NPSR1: variants seen among roughly 807,000 people sequenced by gnomAD.
The protein encoded by NPSR1 is neuropeptide S receptor 1.
NPSR1 carries 48 observed loss-of-function variants against 46.9 expected under a neutral mutation model. The observed-to-expected ratio is 1.02, with a 90% CI of 0.81 to 1.30. NPSR1 has a LOEUF of 1.30. Ranked by LOEUF, NPSR1 falls within the 50% of genes most tolerant of loss-of-function variation. The probability of loss-of-function intolerance (pLI) is 0.00; values close to 1 mark genes in which losing one functional copy is unlikely to be tolerated. For missense variants in NPSR1, 450 were observed against 449.5 expected, an observed-to-expected ratio of 1.00 and a Z score of -0.01; for synonymous variants, 176 against 168.1, an observed-to-expected ratio of 1.05 and a Z score of -0.36.
At chr7:34,683,312 T>C (rs1386199180) in intron 1 of NPSR1, among the ~76,000 whole-genome samples, 10 of 151,750 alleles carry the variant, frequency 6.6e-5, no homozygotes, top group Admixed American at 6.6e-4. Context: ...CCGGGCGTGG[T>C]GGTGGGTGCC....
At chr7:34,675,575 G>A (rs1166153196) in intron 1 of NPSR1, among the ~76,000 whole-genome samples, 1 of 152,154 alleles carries the variant, frequency 6.6e-6, no homozygotes, top group Non-Finnish European at 1.5e-5. Flanking sequence ...ACCTTCTACG[G>A]GCCAGACAGA....
intron 2 of NPSR1, among the ~76,000 whole-genome samples, chr7:34,700,400 CCAGGCTCTGTGCTA>C (rs1793763817): frequency 6.6e-6 from 1 of 152,164 alleles, no homozygotes; most frequent in Non-Finnish European, 1.5e-5. Flanking sequence ...TTACCATGCA[CCAGGCTCTGTGCTA>C]CATGCTTTCT....
chr7:34,728,239 C>T (rs1026649806), intron 2 of NPSR1, among the ~76,000 whole-genome samples: 1 of 152,052 alleles, frequency 6.6e-6, no homozygotes, highest in Non-Finnish European at 1.5e-5. Flanking sequence ...ACCCCCAAAC[C>T]AAGAGCTGGA....
intron 2 of NPSR1, chr7:34,685,632 T>G (rs1337032451): frequency 1.3e-5 from 5 of 372,410 alleles, no homozygotes; most frequent in Non-Finnish European, 2.6e-5. Context: ...GTAGTGGAGC[T>G]CTTTAGAATT....
At chr7:34,749,678 G>C (rs952257518) in intron 2 of NPSR1, among the ~76,000 whole-genome samples, 6 of 152,176 alleles carry the variant, frequency 3.9e-5, no homozygotes. Flanking sequence ...GAAAGTACAA[G>C]GGAGACAAGT....
At chr7:34,696,559 C>G (rs994998875) in intron 2 of NPSR1, among the ~76,000 whole-genome samples, 3 of 151,940 alleles carry the variant, frequency 2.0e-5, no homozygotes, top group African/African-American at 7.2e-5. Context: ...ACAATTACAA[C>G]TGAAGCTTAC....
At chr7:34,675,785 T>C (rs1053540828) in intron 1 of NPSR1, among the ~76,000 whole-genome samples, 1 of 152,254 alleles carries the variant, frequency 6.6e-6, no homozygotes, top group Non-Finnish European at 1.5e-5. Context: ...TGTCACTGTG[T>C]AGCCTGACTA....
intron 2 of NPSR1, among the ~76,000 whole-genome samples, chr7:34,730,656 T>C (rs1029883837): frequency 5.9e-5 from 9 of 152,226 alleles, no homozygotes; most frequent in African/African-American, 2.2e-4. Flanking sequence ...AGGAGTAATA[T>C]ACAGAAGCCT....
chr7:34,811,742 A>C (rs745447749), intron 3 of NPSR1, 28 bp from the exon 4 acceptor site: 3 of 1,533,188 alleles, frequency 2.0e-6, no homozygotes, highest in Non-Finnish European at 2.7e-6. Flanking sequence ...CTCTGAAGTC[A>C]TAAGCTTCCT....
At chr7:34,835,402 C>T (rs1790318390) in intron 6 of NPSR1, among the ~76,000 whole-genome samples, 1 of 152,204 alleles carries the variant, frequency 6.6e-6, no homozygotes, top group Non-Finnish European at 1.5e-5. Flanking sequence ...ACTTTCTGTT[C>T]CAGATGTACC....
intron 4 of NPSR1, among the ~76,000 whole-genome samples, chr7:34,816,379 T>C (rs1477060717): frequency 3.8e-5 from 1 of 26,094 alleles, no homozygotes; most frequent in Non-Finnish European, 7.8e-5. Context: ...ATCCTAAATA[T>C]ATATGCACCC....
At chr7:34,660,192 A>G (rs905817374) in intron 1 of NPSR1, 10 of 453,932 alleles carry the variant, frequency 2.2e-5, no homozygotes, top group African/African-American at 2.1e-4. Flanking sequence ...TGTTTGCAGC[A>G]AAACGGCTGG....
chr7:34,799,293 A>T (rs1245401247), intron 3 of NPSR1, among the ~76,000 whole-genome samples: 4 of 152,094 alleles, frequency 2.6e-5, no homozygotes, highest in Non-Finnish European at 5.9e-5. Context: ...AAAATTAATA[A>T]TTAAATTTAA....
At position 34,862,886 on chromosome 7, in the gene NPSR1, C is replaced by T. The variant is rs116802975; in HGVS notation, c.1025+14223C>T. 2.0e-3 allele frequency among the ~76,000 whole-genome samples: 298 copies of T among 151,816 alleles called. 18 individuals are homozygous for T. Among genetic ancestry groups the T allele is most frequent in the African/African-American group, 7.1e-3 (292 of 41,136 alleles). ...GTTTGGGTGATAAATTATATGGTCA[C>T]TGTAAATATAGACCATCATATGTTC... On this transcript the variant is annotated intron_variant, in intron 8 of 8. Transcript: ENST00000359791.
At chr7:34,834,863 A>T (rs1029481896) in intron 6 of NPSR1, among the ~76,000 whole-genome samples, 1 of 152,202 alleles carries the variant, frequency 6.6e-6, no homozygotes, top group Non-Finnish European at 1.5e-5. Context: ...GAATTTTCAG[A>T]TACATAAAGC....
At position 34,703,507 on chromosome 7, in the gene NPSR1, TGAAAA is replaced by T. The variant is rs532579374; in HGVS notation, c.280+18829_280+18833del. ...GCCCAGAGCAGTATTCACACATTCATGAAAAGAAAACACATCACTTAGAACATTCG... is the reference window on the plus strand; with the variant it reads ...GCCCAGAGCAGTATTCACACATTCATGAAAACACATCACTTAGAACATTCG... On this transcript the variant is annotated intron_variant, in intron 2 of 8. Transcript: ENST00000360581. Among the ~76,000 whole-genome samples, 19 of 152,266 alleles carry T rather than the reference TGAAAA, an allele frequency of 1.2e-4. No homozygotes were observed. The South Asian group carries it at 2.9e-3, about 23-fold the overall frequency.
intron 2 of NPSR1, among the ~76,000 whole-genome samples, chr7:34,769,602 C>T (rs1786583258): frequency 6.6e-6 from 1 of 152,170 alleles, no homozygotes; most frequent in Non-Finnish European, 1.5e-5. Context: ...ATCTCCATAA[C>T]TTTGTTCATG....
chr7:34,747,889 G>A (rs983546244), intron 2 of NPSR1, among the ~76,000 whole-genome samples: 3 of 152,166 alleles, frequency 2.0e-5, no homozygotes, highest in Non-Finnish European at 4.4e-5. Flanking sequence ...GGGGTGATGG[G>A]TGGGACGAGT....
intron 2 of NPSR1, among the ~76,000 whole-genome samples, chr7:34,703,199 A>C (rs1019265053): frequency 2.0e-5 from 3 of 152,208 alleles, no homozygotes; most frequent in African/African-American, 7.2e-5. Context: ...CTCTACTAAA[A>C]ATACAAAAAA....
Sources: gnomAD v4.1 joint callset for allele counts (sites outside exome capture counted in the v4.1 genomes callset) on GRCh38, gnomAD v4.1.1 for gene constraint, MANE v1.5 for transcripts, NCBI Gene and HGNC (gene_info 2026-07-23, HGNC 2026-07-21) for gene names.